CSRP2: variants seen among roughly 807,000 people sequenced by gnomAD.
The protein encoded by CSRP2 is cysteine and glycine-rich protein 2.
In CSRP2, 18 loss-of-function variants were observed where a neutral mutation model predicts 24.6. That is an observed-to-expected ratio of 0.73 (90% CI 0.51 to 1.09). The LOEUF is 1.09. CSRP2 is among the 50% of genes least tolerant of loss of function. The pLI is 0.00. For missense variants in CSRP2, 215 were observed against 239.4 expected (o/e 0.90, Z 0.67); for synonymous variants, 87 against 84.3 (o/e 1.03, Z -0.18).
Position 76,858,822 on chromosome 12 carries a change from T to C in CSRP2, c.*130A>G. 1.3e-6 allele frequency: 1 copy of C among 762,110 alleles called. No homozygotes were observed. Among genetic ancestry groups the C allele is most frequent in the South Asian group, 1.9e-5 (1 of 53,656 alleles). The allele number at this position is 762,110 out of a possible 1,614,324, so 47.2% of individuals were successfully genotyped here. ...CTCTCTTCCTACGAGTTAGCCAGCC[T>C]ATCCAAGTACAGGGCGATATACAGT... On this transcript the variant is annotated 3_prime_UTR_variant, in exon 6 of 6. Transcript: ENST00000311083.
intron 2 of CSRP2, chr12:76,864,460 A>G (rs906089947): frequency 4.6e-5 from 7 of 152,202 alleles, no homozygotes; most frequent in Admixed American, 4.6e-4. Flanking sequence ...ACATTTAAAA[A>G]TAAGACAGTA....
chr12:76,871,713 G>C (rs778719250), intron 1 of CSRP2, among the ~76,000 whole-genome samples: 1 of 150,526 alleles, frequency 6.6e-6, no homozygotes, highest in South Asian at 2.1e-4. Context: ...GCAGTGAGCC[G>C]AGATAGTGCC....
At chr12:76,872,946 A>T (rs1287234982) in intron 1 of CSRP2, among the ~76,000 whole-genome samples, 3 of 152,252 alleles carry the variant, frequency 2.0e-5, no homozygotes, top group Non-Finnish European at 4.4e-5. Flanking sequence ...ATGATAATCA[A>T]GAGCTGACTA....
chr12:76,861,791 C>G (rs1475168806), intron 3 of CSRP2: 1 of 152,128 alleles, frequency 6.6e-6, no homozygotes, highest in East Asian at 1.9e-4. Context: ...GTGTCGTCAT[C>G]TATAAATGGA....
intron 1 of CSRP2, among the ~76,000 whole-genome samples, chr12:76,871,861 T>C (rs1452322338): frequency 6.6e-6 from 1 of 151,786 alleles, no homozygotes; most frequent in Non-Finnish European, 1.5e-5. Flanking sequence ...AGAAGTATGA[T>C]GATCTTCCAT....
At chr12:76,859,683 C>G (rs1489926439) in intron 4 of CSRP2, 43 bp from the exon 5 acceptor site, 1 of 1,444,450 alleles carries the variant, frequency 6.9e-7, no homozygotes, top group Non-Finnish European at 9.6e-7. Flanking sequence ...AGGCCTGTTT[C>G]CTACAGTTCA....
intron 1 of CSRP2, among the ~76,000 whole-genome samples, chr12:76,869,388 C>A (rs1394582337): frequency 1.3e-5 from 2 of 151,150 alleles, no homozygotes; most frequent in Non-Finnish European, 2.9e-5. Context: ...ACCATAGCAA[C>A]CCCCAACTCC....
chr12:76,878,773 G>A (rs1008768228), intron 1 of CSRP2, among the ~76,000 whole-genome samples, 165 bp downstream of exon 1: 2 of 152,238 alleles, frequency 1.3e-5, no homozygotes, highest in African/African-American at 4.8e-5. Flanking sequence ...GCGCAGGGAT[G>A]AGAAGGCTGG....
intron 1 of CSRP2, among the ~76,000 whole-genome samples, chr12:76,876,680 T>G (rs1953854838): frequency 6.6e-6 from 1 of 152,192 alleles, no homozygotes; most frequent in Non-Finnish European, 1.5e-5. Flanking sequence ...GATGGCATGC[T>G]GGCAGTCAGG....
intron 3 of CSRP2, chr12:76,862,712 A>T: frequency 1.5e-6 from 2 of 1,293,426 alleles, no homozygotes; most frequent in Non-Finnish European, 2.0e-6. Context: ...AGTAATTTCC[A>T]TTTTTAAGTA....
At position 76,858,809 on chromosome 12, in the gene CSRP2, G is replaced by A. The variant is rs1196724772; in HGVS notation, c.*143C>T. The A allele has an allele frequency of 2.9e-5, 19 of 666,020 alleles. No homozygotes were observed. Among genetic ancestry groups the A allele is most frequent in the African/African-American group, 5.3e-5 (3 of 56,178 alleles). 41.3% of individuals were successfully genotyped at this position (666,020 alleles called of 1,614,324 possible). A position where few individuals can be genotyped will look rare whatever the true frequency, so the allele number is the denominator to read the frequency against. ...ATACCATACAGTGCTCTCTTCCTAC[G>A]AGTTAGCCAGCCTATCCAAGTACAG... is the stretch of plus-strand genomic sequence containing the variant. On this transcript the variant is annotated 3_prime_UTR_variant, in exon 6 of 6. Coordinates refer to ENST00000311083, the MANE Select transcript of CSRP2 (RefSeq NM_001321.3).
chr12:76,872,815 C>T (rs929320332), intron 1 of CSRP2, among the ~76,000 whole-genome samples: 1 of 152,152 alleles, frequency 6.6e-6, no homozygotes, highest in Admixed American at 6.5e-5. Context: ...CTGTCTTCTC[C>T]CTTCCTTCTT....
chr12:76,874,972 T>C (rs1953839154), intron 1 of CSRP2, among the ~76,000 whole-genome samples: 1 of 152,162 alleles, frequency 6.6e-6, no homozygotes, highest in African/African-American at 2.4e-5. Context: ...ACTGATGAGT[T>C]GGGTGACTTG....
chr12:76,867,906 GACAATT>G (rs1953751136), intron 1 of CSRP2, among the ~76,000 whole-genome samples: 1 of 152,198 alleles, frequency 6.6e-6, no homozygotes, highest in Non-Finnish European at 1.5e-5. Context: ...TCCAGAACCT[GACAATT>G]TCCTGAACAC....
At chr12:76,866,293 C>T (rs771171428) in intron 1 of CSRP2, 32 bp from the exon 2 acceptor site, 45 of 1,568,640 alleles carry the variant, frequency 2.9e-5, no homozygotes, top group Non-Finnish European at 3.9e-5. Flanking sequence ...TAGAATGTCC[C>T]TGTGCTGGTC....
chr12:76,865,832 GA>G (rs1156453563), intron 2 of CSRP2: 1 of 276,492 alleles, frequency 3.6e-6, no homozygotes, highest in African/African-American at 2.2e-5. Flanking sequence ...TAATGTGCCA[GA>G]AACTGTGCTA....
At chr12:76,867,332 T>A (rs1235391960) in intron 1 of CSRP2, among the ~76,000 whole-genome samples, 38 of 100,150 alleles carry the variant, frequency 3.8e-4, no homozygotes, top group Middle Eastern at 0.012. Flanking sequence ...CTGCTAAATT[T>A]AAAAAAAAAA....
At chr12:76,860,557 A>T (rs972015918) in intron 3 of CSRP2, 144 bp from the exon 4 acceptor site, 4 of 889,130 alleles carry the variant, frequency 4.5e-6, no homozygotes, top group African/African-American at 1.7e-5. Context: ...CAGGGGAGGG[A>T]ATAAAGAAGA....
At chr12:76,874,971 T>C (rs187327419) in intron 1 of CSRP2, among the ~76,000 whole-genome samples, 9 of 152,006 alleles carry the variant, frequency 5.9e-5, no homozygotes, top group Admixed American at 3.3e-4. Flanking sequence ...GACTGATGAG[T>C]TGGGTGACTT....
Sources: gnomAD v4.1 joint callset for allele counts (sites outside exome capture counted in the v4.1 genomes callset) on GRCh38, gnomAD v4.1.1 for gene constraint, MANE v1.5 for transcripts, NCBI Gene and HGNC (gene_info 2026-07-23, HGNC 2026-07-21) for gene names.